Variants in KLF12 observed in about 807,000 individuals in gnomAD.
The protein encoded by KLF12 is KLF transcription factor 12, also known as Krueppel-like factor 12.
In KLF12, 9 loss-of-function variants were observed where a neutral mutation model predicts 37.8. The ratio of observed to expected loss-of-function variants is 0.24; its 90% CI spans 0.14 to 0.42. The LOEUF is 0.42. Ranked by LOEUF, KLF12 falls within the 10% of genes least tolerant of loss-of-function variation. The pLI, the probability that KLF12 is intolerant of heterozygous loss-of-function variation, is 1.00. For missense variants in KLF12, 411 were observed against 516.0 expected (o/e 0.80, Z 1.97); for synonymous variants, 208 against 202.1 (o/e 1.03, Z -0.25).
chr13:74,091,150 G>A (rs1373666409), intron 1 of KLF12, among the ~76,000 whole-genome samples: 8 of 152,228 alleles, frequency 5.3e-5, no homozygotes, highest in East Asian at 1.9e-4. Flanking sequence ...TTAACAAATG[G>A]AGCTCAGATA....
chr13:73,920,578 C>T (rs376411560), intron 3 of KLF12, among the ~76,000 whole-genome samples: 1 of 152,162 alleles, frequency 6.6e-6, no homozygotes, highest in Non-Finnish European at 1.5e-5. Flanking sequence ...AATTCTCTAT[C>T]CAAACTTGCC....
intron 3 of KLF12, among the ~76,000 whole-genome samples, chr13:73,868,194 C>T (rs1886277168): frequency 6.6e-6 from 1 of 150,754 alleles, no homozygotes; most frequent in Non-Finnish European, 1.5e-5. Context: ...TGCCTGTAAT[C>T]CTAGCTACTC....
chr13:74,170,245 A>T, the KLF12 span, among the ~76,000 whole-genome samples: 4 of 152,358 alleles, frequency 2.6e-5, no homozygotes, highest in South Asian at 8.3e-4. Context: ...AAATAATTAA[A>T]ATGTTAACAT....
At chr13:73,912,293 C>G (rs1888606201) in intron 3 of KLF12, among the ~76,000 whole-genome samples, 1 of 152,182 alleles carries the variant, frequency 6.6e-6, no homozygotes, top group Non-Finnish European at 1.5e-5. Flanking sequence ...AACTTAAACA[C>G]TCTTTTGTGG....
chr13:73,698,965 C>A (rs1327691806), intron 7 of KLF12, among the ~76,000 whole-genome samples: 1 of 152,094 alleles, frequency 6.6e-6, no homozygotes, highest in African/African-American at 2.4e-5. Flanking sequence ...AAATTAGGAT[C>A]CTCGATTCAA....
chr13:74,049,064 TG>T (rs1280943754), intron 1 of KLF12, among the ~76,000 whole-genome samples: 1 of 152,182 alleles, frequency 6.6e-6, no homozygotes, highest in African/African-American at 2.4e-5. Context: ...ACAGTCCACT[TG>T]AGAATTAGTT....
intron 5 of KLF12, among the ~76,000 whole-genome samples, chr13:73,807,629 A>G (rs1594114275): frequency 6.6e-6 from 1 of 152,236 alleles, no homozygotes; most frequent in Non-Finnish European, 1.5e-5. Context: ...AACATCCCTG[A>G]TTACTAACAC....
chr13:74,004,636 T>C (rs1362091919), intron 1 of KLF12, among the ~76,000 whole-genome samples: 1 of 152,128 alleles, frequency 6.6e-6, no homozygotes, highest in African/African-American at 2.4e-5. Context: ...CCTCAAGCAG[T>C]TTAAAATAAG....
intron 6 of KLF12, among the ~76,000 whole-genome samples, chr13:73,723,588 T>G (rs558294587): frequency 2.0e-5 from 3 of 152,308 alleles, no homozygotes; most frequent in Admixed American, 6.5e-5. Context: ...CATTCTGGCA[T>G]GGGCCCAACC....
intron 7 of KLF12, among the ~76,000 whole-genome samples, chr13:73,709,649 G>T (rs1330349882): frequency 2.6e-5 from 4 of 152,106 alleles, no homozygotes; most frequent in Admixed American, 2.6e-4. Flanking sequence ...ACTGATAATA[G>T]TTCAAGGAAG....
At chr13:74,271,364 C>T in the KLF12 span, among the ~76,000 whole-genome samples, 1 of 152,064 alleles carries the variant, frequency 6.6e-6, no homozygotes, top group African/African-American at 2.4e-5. Flanking sequence ...AAGAATAAGC[C>T]TTGGACATTA....
At chr13:73,764,519 A>G (rs1433632414) in intron 6 of KLF12, among the ~76,000 whole-genome samples, 1 of 137,200 alleles carries the variant, frequency 7.3e-6, no homozygotes, top group Non-Finnish European at 1.7e-5. Flanking sequence ...TATGGCAAGG[A>G]AAAAAAAAAT....
At chr13:73,873,519 C>T (rs541602811) in intron 3 of KLF12, among the ~76,000 whole-genome samples, 70 of 152,170 alleles carry the variant, frequency 4.6e-4, no homozygotes, top group Admixed American at 9.2e-4. Context: ...CTCTAAATGA[C>T]CAAAACTACA....
chr13:74,019,141 A>G (rs1480054905), intron 1 of KLF12, among the ~76,000 whole-genome samples: 2 of 152,226 alleles, frequency 1.3e-5, no homozygotes, highest in African/African-American at 4.8e-5. Context: ...GTCTTATTTT[A>G]GGAACATTTA....
At chr13:74,053,553 C>T (rs540911016) in intron 1 of KLF12, among the ~76,000 whole-genome samples, 1 of 152,234 alleles carries the variant, frequency 6.6e-6, no homozygotes, top group South Asian at 2.1e-4. Flanking sequence ...CAAAGACACA[C>T]ATTAAGCAAG....
At chr13:73,830,131 T>A (rs1194419701) in intron 4 of KLF12, among the ~76,000 whole-genome samples, 1 of 152,224 alleles carries the variant, frequency 6.6e-6, no homozygotes, top group Non-Finnish European at 1.5e-5. Flanking sequence ...TTGGAGGTTA[T>A]ACTATCTTGA....
the KLF12 span, among the ~76,000 whole-genome samples, chr13:74,237,579 G>T: frequency 6.7e-6 from 1 of 149,676 alleles, no homozygotes; most frequent in Non-Finnish European, 1.5e-5. Context: ...CATGAGCATG[G>T]AATGTTCTTC....
At chr13:74,155,521 C>G in the KLF12 span, among the ~76,000 whole-genome samples, 8 of 152,200 alleles carry the variant, frequency 5.3e-5, no homozygotes, top group African/African-American at 1.9e-4. Flanking sequence ...GCCACCATGC[C>G]TGGCTAGATT....
intron 7 of KLF12, among the ~76,000 whole-genome samples, chr13:73,695,964 T>C (rs1437410142): frequency 1.3e-5 from 2 of 152,172 alleles, no homozygotes; most frequent in Non-Finnish European, 2.9e-5. Flanking sequence ...TCACCACTAG[T>C]AGACTAAAAA....
Sources: gnomAD v4.1 joint callset for allele counts (sites outside exome capture counted in the v4.1 genomes callset) on GRCh38, gnomAD v4.1.1 for gene constraint, MANE v1.5 for transcripts, NCBI Gene and HGNC (gene_info 2026-07-23, HGNC 2026-07-21) for gene names.